KDM4C: variants seen among roughly 807,000 people sequenced by gnomAD.
KDM4C encodes lysine-specific demethylase 4C.
Under a neutral mutation model 129.3 loss-of-function variants are expected in KDM4C, and 81 were observed. The ratio of observed to expected loss-of-function variants is 0.63; its 90% CI spans 0.52 to 0.75. The LOEUF is 0.75. Among genes scored for constraint, KDM4C ranks in the 30% least tolerant of loss-of-function variants. The pLI is 0.00. For synonymous variants in KDM4C, 573 were observed against 456.1 expected, an observed-to-expected ratio of 1.26 and a Z score of -3.26; for missense variants, 1,457 against 1,304.0, an observed-to-expected ratio of 1.12 and a Z score of -1.81.
chr9:7,077,658 G>T (rs1834078143), intron 17 of KDM4C, among the ~76,000 whole-genome samples: 1 of 152,146 alleles, frequency 6.6e-6, no homozygotes, highest in Non-Finnish European at 1.5e-5. Context: ...GAAGTGGGAG[G>T]TCTATGACTC....
Position 7,008,232 on chromosome 9 carries a change from A to C in KDM4C, c.1787-3466A>C, listed in dbSNP as rs1014166009. On this transcript the variant is annotated intron_variant, in intron 12 of 21. Transcript: ENST00000381309. Reference sequence around the variant, plus strand: ...AAGGTCCGTTGCAGTGAAACCCAGCACCACACAGTCCCACCGCCCTGGATT... The same window carrying C: ...AAGGTCCGTTGCAGTGAAACCCAGCCCCACACAGTCCCACCGCCCTGGATT... Among the ~76,000 whole-genome samples the C allele has an allele frequency of 3.9e-5, 6 of 152,202 alleles. No individual in the cohort carries two copies. The East Asian group carries it at 1.2e-3, about 29-fold the overall frequency.
At chr9:7,169,140 A>T (rs1844701024) in intron 20 of KDM4C, among the ~76,000 whole-genome samples, 1 of 152,160 alleles carries the variant, frequency 6.6e-6, no homozygotes, top group Admixed American at 6.6e-5. Context: ...CTCTTAAAGA[A>T]ATGAACCGTG....
intron 8 of KDM4C, among the ~76,000 whole-genome samples, chr9:6,952,146 A>AC (rs532262415): frequency 1.8e-4 from 28 of 151,974 alleles, no homozygotes; most frequent in Non-Finnish European, 3.7e-4. Flanking sequence ...TACAAAATGC[A>AC]CCCCCTACAA....
At chr9:6,973,575 A>G (rs951212553) in intron 8 of KDM4C, among the ~76,000 whole-genome samples, 10 of 152,216 alleles carry the variant, frequency 6.6e-5, no homozygotes, top group Non-Finnish European at 1.3e-4. Context: ...AATTAGTATG[A>G]CATATAGCAT....
At chr9:6,823,421 G>T (rs1346479379) in intron 4 of KDM4C, among the ~76,000 whole-genome samples, 2 of 152,154 alleles carry the variant, frequency 1.3e-5, no homozygotes, top group African/African-American at 4.8e-5. Context: ...AGAATTTCCT[G>T]TGTGTGTAAC....
rs1554712904 is a variant in KDM4C at position 7,040,400 on chromosome 9, T to TGTGTGTGTGTGTGC, written c.2260-6457_2260-6456insTGTGTGTGCGTGTG. ...GTGTGTGTGTGTGTGTGTGTGTGTG[T>TGTGTGTGTGTGTGC]GTGTGCGTGTGTATGTGTCTGTGTG... On this transcript the variant is annotated intron_variant, in intron 15 of 21. Transcript: ENST00000381309. 4.2e-5 allele frequency among the ~76,000 whole-genome samples: 6 copies of TGTGTGTGTGTGTGC among 143,886 alleles called. 1 individual carries two copies. The highest frequency in any genetic ancestry group is 1.3e-4 in the African/African-American group (5 of 38,082). The allele number at this position is 143,886 out of a possible 152,430, so 94.4% of individuals were successfully genotyped here.
In KDM4C at chr9:6,758,339, C is replaced by G. The variant is rs1818681615; in HGVS notation, c.-18+136C>G. ...CGGCGACGCTGGGGCAGAGACGCTC[C>G]GTCCGTGACTGCAGCGACTGTCAAG... On this transcript the variant is annotated intron_variant, in intron 1 of 21. Coordinates refer to ENST00000381309, the MANE Select transcript of KDM4C (RefSeq NM_015061.6). The surrounding 1 kb of genome is among the most constrained non-coding windows in gnomAD (Gnocchi z 4.6). 2 of 409,198 alleles carry G rather than the reference C, an allele frequency of 4.9e-6. No homozygotes were observed. Among genetic ancestry groups the G allele is most frequent in the South Asian group, 1.0e-4 (1 of 9,980 alleles). 25.3% of individuals were successfully genotyped at this position (409,198 alleles called of 1,614,324 possible). A position where few individuals can be genotyped will look rare whatever the true frequency, so the allele number is the denominator to read the frequency against.
intron 8 of KDM4C, among the ~76,000 whole-genome samples, chr9:6,970,425 G>T (rs1278417568): frequency 6.6e-6 from 1 of 152,194 alleles, no homozygotes; most frequent in Admixed American, 6.5e-5. Flanking sequence ...TTCATAGCTG[G>T]TTACTGTGGA....
chr9:7,118,688 C>T (rs1839179639), intron 18 of KDM4C, among the ~76,000 whole-genome samples: 1 of 152,182 alleles, frequency 6.6e-6, no homozygotes, highest in African/African-American at 2.4e-5. Context: ...TGTACGTCGG[C>T]TAAGTTACTT....
chr9:7,000,487 TATTTTTTTAAAATTAACTTATAA>T, intron 12 of KDM4C, among the ~76,000 whole-genome samples: 1 of 152,358 alleles, frequency 6.6e-6, no homozygotes, highest in South Asian at 2.1e-4. Flanking sequence ...TATGCCTTGT[TATTTTTTTAAAATTAACTTATAA>T]ATAAATTCAA....
rs1362769168 is a variant in KDM4C, at chr9:6,752,195, T to C, written c.49+31198T>C. Among the ~76,000 whole-genome samples, 5 of 150,092 alleles carry C rather than the reference T, an allele frequency of 3.3e-5. No homozygotes were observed. In the South Asian group the frequency reaches 6.4e-4, roughly 19 times the overall value. Reference sequence around the variant, plus strand: ...AAAAATACAAAAAATTAGCCGGGCATGGTGGCGCGCGCCTGTAGTCCCAGC... The same window carrying C: ...AAAAATACAAAAAATTAGCCGGGCACGGTGGCGCGCGCCTGTAGTCCCAGC... On this transcript the variant is annotated intron_variant, in intron 1 of 17. Transcript: ENST00000536108.
chr9:7,063,882 G>A (rs1372264253), intron 17 of KDM4C, among the ~76,000 whole-genome samples: 1 of 152,190 alleles, frequency 6.6e-6, no homozygotes, highest in Non-Finnish European at 1.5e-5. Context: ...TGAAATTTCA[G>A]TAGAGCTGGA....
At chr9:6,896,535 A>G (rs1816477973) in intron 8 of KDM4C, among the ~76,000 whole-genome samples, 1 of 151,680 alleles carries the variant, frequency 6.6e-6, no homozygotes, top group African/African-American at 2.4e-5. Context: ...TAATTAGGTG[A>G]CTCAGAAAAG....
chr9:6,894,908 A>G (rs1198647160), intron 8 of KDM4C, among the ~76,000 whole-genome samples: 1 of 152,092 alleles, frequency 6.6e-6, no homozygotes, highest in Non-Finnish European at 1.5e-5. Flanking sequence ...AATTAGAAAT[A>G]CCTCTCTACC....
intron 8 of KDM4C, among the ~76,000 whole-genome samples, chr9:6,975,198 T>C (rs982318109): frequency 6.6e-6 from 1 of 152,140 alleles, no homozygotes; most frequent in African/African-American, 2.4e-5. Flanking sequence ...TCTGAACCTA[T>C]TAGAAGTGGG....
chr9:7,172,045 C>G (rs576997571), intron 21 of KDM4C, among the ~76,000 whole-genome samples: 25 of 152,300 alleles, frequency 1.6e-4, no homozygotes, highest in African/African-American at 5.8e-4. Flanking sequence ...ACATAGCCCT[C>G]AGACCCTTGG....
At chr9:6,863,812 AGAG>A (rs138552823) in intron 5 of KDM4C, among the ~76,000 whole-genome samples, 15,014 of 138,240 alleles carry the variant, frequency 0.11, 1,095 homozygotes, top group South Asian at 0.27. Flanking sequence ...AAAAAAAAAA[AGAG>A]AGAGAGAAGG....
At chr9:6,920,293 G>A (rs1292099302) in intron 8 of KDM4C, among the ~76,000 whole-genome samples, 1 of 151,922 alleles carries the variant, frequency 6.6e-6, no homozygotes, top group Admixed American at 6.6e-5. Context: ...GTTCAAAAAA[G>A]AAAATAAAAA....
At chr9:6,754,828 T>C (rs1818188204), upstream of KDM4C, among the ~76,000 whole-genome samples, 1 of 141,138 alleles carries the variant, frequency 7.1e-6, no homozygotes. Context: ...TGAGCCGTGA[T>C]AGTGCCACTG....
Sources: gnomAD v4.1 joint callset for allele counts (sites outside exome capture counted in the v4.1 genomes callset) on GRCh38, gnomAD v4.1.1 for gene constraint, Gnocchi (gnomAD v3.1) non-coding constraint, MANE v1.5 for transcripts, NCBI Gene and HGNC (gene_info 2026-07-23, HGNC 2026-07-21) for gene names.